Variants in SSH1 observed in about 807,000 individuals in gnomAD.
SSH1 encodes slingshot protein phosphatase 1.
Under a neutral mutation model 79.7 loss-of-function variants are expected in SSH1, and 43 were observed. The ratio of observed to expected loss-of-function variants is 0.54; its 90% CI spans 0.42 to 0.70. The LOEUF is 0.70. Ranked by LOEUF, SSH1 falls within the 30% of genes least tolerant of loss-of-function variation. The pLI is 0.00. For missense variants in SSH1, 1,206 were observed against 1,358.8 expected, an observed-to-expected ratio of 0.89 and a Z score of 1.77; for synonymous variants, 599 against 538.3, an observed-to-expected ratio of 1.11 and a Z score of -1.56.
At chr12:108,842,544 G>C (rs1053669199) in intron 2 of SSH1, among the ~76,000 whole-genome samples, 2 of 152,176 alleles carry the variant, frequency 1.3e-5, no homozygotes, top group Non-Finnish European at 2.9e-5. Context: ...GATGTTCTCC[G>C]GGCTGCAGCA....
rs755724818 is a variant in SSH1, at chr12:108,788,084, G to A, written c.3054C>T (p.Pro1018=). Residue 1018 remains proline, a synonymous_variant, in exon 15 of 15, where the codon CCC becomes CCT. Transcript: ENST00000326495. The stretch of plus-strand genomic sequence containing the variant: ...CAGCTGGGTCCCTCGGGGTTCCCTG[G>A]GGCTCATGCAAGAAGGAAGATTCAC... ...TLSESSFLHE[P]QGTPRDPAAT... The A allele has an allele frequency of 1.9e-6, 3 of 1,613,966 alleles. No homozygotes were observed. The highest frequency in any genetic ancestry group is 2.5e-6 in the Non-Finnish European group (3 of 1,180,024).
intron 14 of SSH1, among the ~76,000 whole-genome samples, chr12:108,791,091 A>G (rs2036479973): frequency 6.6e-6 from 1 of 152,212 alleles, no homozygotes; most frequent in South Asian, 2.1e-4. Flanking sequence ...GATACTTGAC[A>G]ACGTTGGGAA....
chr12:108,792,171 T>A, intron 14 of SSH1, 115 bp downstream of exon 14: 1 of 1,554,024 alleles, frequency 6.4e-7, no homozygotes, highest in Admixed American at 2.0e-5. Flanking sequence ...TAGAAAAAAA[T>A]CAGCTGGGTG....
chr12:108,816,625 CA>C (rs2137150318), intron 5 of SSH1, among the ~76,000 whole-genome samples: 1 of 152,304 alleles, frequency 6.6e-6, no homozygotes, highest in South Asian at 2.1e-4. Flanking sequence ...CGAGGCCCAC[CA>C]ATCTCCATAC....
chr12:108,820,618 A>G (rs1385086761), intron 3 of SSH1, among the ~76,000 whole-genome samples: 1 of 152,212 alleles, frequency 6.6e-6, no homozygotes, highest in Admixed American at 6.5e-5. Context: ...ATCCACACAC[A>G]AAAAAATCAG....
chr12:108,791,672 T>C (rs1172898511), intron 14 of SSH1, among the ~76,000 whole-genome samples: 1 of 152,106 alleles, frequency 6.6e-6, no homozygotes, highest in African/African-American at 2.4e-5. Flanking sequence ...GGTAGGAGGA[T>C]CACTTGAGCC....
intron 8 of SSH1, among the ~76,000 whole-genome samples, 176 bp from the exon 9 acceptor site, chr12:108,806,570 C>A (rs2137071507): frequency 1.3e-5 from 2 of 152,298 alleles, no homozygotes; most frequent in South Asian, 4.1e-4. Context: ...CCCGCTGCAG[C>A]TCTAGAACTC....
intron 11 of SSH1, 84 bp from the exon 12 acceptor site, chr12:108,801,010 G>C: frequency 3.6e-6 from 5 of 1,401,544 alleles, no homozygotes; most frequent in Non-Finnish European, 5.0e-6. Context: ...GCAGAGAAAA[G>C]AAAAGGAAAC....
chr12:108,795,183 C>A (rs755433566), intron 13 of SSH1, among the ~76,000 whole-genome samples: 3 of 152,140 alleles, frequency 2.0e-5, no homozygotes, highest in Non-Finnish European at 2.9e-5. Flanking sequence ...TGAGACTTGC[C>A]TCGGTCATTT....
In SSH1 at chr12:108,780,588, G is replaced by A. The variant is rs73410910; in HGVS notation, c.*7400C>T. ...GAATCTCAGAAACATACAGATTGCTGGGGCCCATCCCACCCCATTCATGGC... is the reference window on the plus strand; with the variant it reads ...GAATCTCAGAAACATACAGATTGCTAGGGCCCATCCCACCCCATTCATGGC... On this transcript the variant is annotated 3_prime_UTR_variant, in exon 15 of 15. Transcript: ENST00000326495. The A allele has an allele frequency of 7.9e-4, 121 of 152,294 alleles. No individual in the cohort carries two copies. The highest frequency in any genetic ancestry group is 2.9e-3 in the African/African-American group (119 of 41,562). The allele number at this position is 152,294 out of a possible 1,614,324, so 9.4% of individuals were successfully genotyped here.
chr12:108,844,991 C>T (rs919961097), intron 2 of SSH1, among the ~76,000 whole-genome samples: 8 of 151,610 alleles, frequency 5.3e-5, no homozygotes, highest in African/African-American at 1.9e-4. Context: ...CCCAGCTACT[C>T]GGGAGGCTGA....
At chr12:108,843,497 T>C (rs1205905437) in intron 2 of SSH1, among the ~76,000 whole-genome samples, 9 of 152,108 alleles carry the variant, frequency 5.9e-5, no homozygotes, top group Admixed American at 5.2e-4. Flanking sequence ...AATACTCTGT[T>C]GGTGCCATCT....
chr12:108,804,151 G>A (rs2037158706), intron 10 of SSH1, among the ~76,000 whole-genome samples: 1 of 152,192 alleles, frequency 6.6e-6, no homozygotes, highest in South Asian at 2.1e-4. Flanking sequence ...CCAACTCCTA[G>A]GCTAAAGCTA....
chr12:108,787,895 A>C lies in SSH1; in HGVS notation c.*93T>G. 1 of 1,512,976 alleles carries C rather than the reference A, an allele frequency of 6.6e-7. No individual in the cohort carries two copies. Among genetic ancestry groups the C allele is most frequent in the Non-Finnish European group, 9.1e-7 (1 of 1,096,486 alleles). The allele number at this position is 1,512,976 out of a possible 1,614,324, so 93.7% of individuals were successfully genotyped here. A position where few individuals can be genotyped will look rare whatever the true frequency, so the allele number is the denominator to read the frequency against. ...GGATGACTTCACTCGTTTAAGGGAA[A>C]TCAAGATGTAAGGGGTCGATCCAAA... On this transcript the variant is annotated 3_prime_UTR_variant, in exon 15 of 15. Coordinates refer to ENST00000326495, the MANE Select transcript of SSH1 (RefSeq NM_018984.4).
At chr12:108,795,808 T>C (rs1444723742) in intron 13 of SSH1, among the ~76,000 whole-genome samples, 1 of 152,118 alleles carries the variant, frequency 6.6e-6, no homozygotes, top group South Asian at 2.1e-4. Flanking sequence ...GTCATGATCA[T>C]ACCCTGCAAT....
chr12:108,825,680 A>G (rs2038284116), intron 2 of SSH1, among the ~76,000 whole-genome samples: 1 of 152,160 alleles, frequency 6.6e-6, no homozygotes, highest in South Asian at 2.1e-4. Flanking sequence ...CCACCCTCTC[A>G]CAGGCATATA....
At chr12:108,809,308 T>C (rs2037452426) in intron 7 of SSH1, among the ~76,000 whole-genome samples, 1 of 151,110 alleles carries the variant, frequency 6.6e-6, no homozygotes, top group Non-Finnish European at 1.5e-5. Flanking sequence ...AATAGAAAAG[T>C]TAGCCGGGTG....
At chr12:108,799,568 C>T (rs961689287) in intron 12 of SSH1, among the ~76,000 whole-genome samples, 4 of 152,194 alleles carry the variant, frequency 2.6e-5, no homozygotes, top group South Asian at 2.1e-4. Context: ...TTTCCTGAGA[C>T]GAGAGTGGGC....
At chr12:108,798,858 C>A (rs1051137631) in intron 13 of SSH1, 142 bp downstream of exon 13, 11 of 903,584 alleles carry the variant, frequency 1.2e-5, no homozygotes, top group African/African-American at 1.6e-5. Context: ...ACTGGCTCCC[C>A]CTGAGAGGCA....
Sources: gnomAD v4.1 joint callset for allele counts (sites outside exome capture counted in the v4.1 genomes callset) on GRCh38, gnomAD v4.1.1 for gene constraint, MANE v1.5 for transcripts, NCBI Gene and HGNC (gene_info 2026-07-23, HGNC 2026-07-21) for gene names.